The following PARP10 variants were observed in gnomAD, a reference collection of about 807,000 sequenced individuals.
PARP10 encodes the protein poly(ADP-ribose) polymerase family member 10.
PARP10 carries 56 observed loss-of-function variants against 82.4 expected under a neutral mutation model. That is an observed-to-expected ratio of 0.68 (90% CI 0.55 to 0.85). The LOEUF (loss-of-function observed/expected upper bound fraction) is 0.85. Ranked by LOEUF, PARP10 falls within the 40% of genes least tolerant of loss-of-function variation. The pLI is 0.00. For synonymous variants in PARP10, 576 were observed against 601.1 expected (o/e 0.96, Z 0.61); for missense variants, 1,227 against 1,379.4 (o/e 0.89, Z 1.75).
chr8:143,986,525 G>A (rs1833995423), upstream of PARP10: 1 of 997,530 alleles, frequency 1.0e-6, no homozygotes, highest in Non-Finnish European at 1.5e-6. Flanking sequence ...TGGGTACTGG[G>A]GCTCAGATGC....
chr8:143,999,233 A>C (rs542871729), intron 1 of PARP10, among the ~76,000 whole-genome samples: 1 of 151,758 alleles, frequency 6.6e-6, no homozygotes, highest in South Asian at 2.1e-4. Context: ...ATGGGGTCTC[A>C]CTTTGTCGCC....
At position 144,008,142 on chromosome 8, in the gene PARP10, G is replaced by T. The variant is rs1490804278; in HGVS notation, c.-80+4388C>A. ...GGTTCAACATGGCCACGGCAGGCAG[G>T]ATTGAAATGTTCGCATGGCCAGTAC... On this transcript the variant is annotated intron_variant, in intron 1 of 3. Transcript: ENST00000530478. The surrounding 1 kb of genome is among the most constrained non-coding windows in gnomAD (Gnocchi z 4.0). Among the ~76,000 whole-genome samples, 1 of 152,276 alleles carries T rather than the reference G, an allele frequency of 6.6e-6. No individual in the cohort carries two copies. Among genetic ancestry groups the T allele is most frequent in the African/African-American group, 2.4e-5 (1 of 41,548 alleles).
chr8:144,001,873 CGTGTGTGTGTGTGTGTGT>C (rs57117824), intron 1 of PARP10, among the ~76,000 whole-genome samples: 1 of 136,416 alleles, frequency 7.3e-6, no homozygotes, highest in Non-Finnish European at 1.6e-5. Flanking sequence ...AATATATATA[CGTGTGTGTGTGTGTGTGT>C]GTGTGTGTGT....
At chr8:143,991,801 C>T, upstream of PARP10, 3 of 1,611,898 alleles carry the variant, frequency 1.9e-6, no homozygotes, top group Non-Finnish European at 2.5e-6. Context: ...CCTTCATCCG[C>T]AAGGTGGGTA....
upstream of PARP10, chr8:143,992,148 C>A: frequency 6.2e-7 from 1 of 1,602,188 alleles, no homozygotes; most frequent in South Asian, 1.1e-5. Context: ...TCTTCCGGGC[C>A]TGGTCACCGT....
At chr8:143,999,652 C>CTT in intron 1 of PARP10, among the ~76,000 whole-genome samples, 1 of 144,622 alleles carries the variant, frequency 6.9e-6, no homozygotes, top group African/African-American at 2.6e-5. Flanking sequence ...AATTGAGCTT[C>CTT]TTTTTTTTTT....
chr8:143,991,821 C>T (rs199615064), upstream of PARP10: 1,796 of 1,609,356 alleles, frequency 1.1e-3, 18 homozygotes, highest in South Asian at 0.01. Flanking sequence ...AGGGGCATCT[C>T]CAAGGCGGTG....
intron 1 of PARP10, among the ~76,000 whole-genome samples, chr8:143,999,273 C>G (rs918806187): frequency 1.3e-5 from 2 of 152,046 alleles, no homozygotes; most frequent in African/African-American, 4.8e-5. Context: ...ACAATCTCGG[C>G]TCACTGCAAC....
chr8:143,977,433 G>T lies in PARP10; in HGVS notation c.*51C>A, dbSNP rs1273086630. On this transcript the variant is annotated 3_prime_UTR_variant, in exon 11 of 11. Coordinates refer to ENST00000313028, the MANE Select transcript of PARP10 (RefSeq NM_032789.5). Reference sequence around the variant, plus strand: ...AGTTGGGGGCGGGGAGCATCAGCCTGTGCGGAGCTGGGAGCCTGGGAAGCA... The same window carrying T: ...AGTTGGGGGCGGGGAGCATCAGCCTTTGCGGAGCTGGGAGCCTGGGAAGCA... 14 of 1,449,812 alleles carry T rather than the reference G, an allele frequency of 9.7e-6. No individual in the cohort carries two copies. Among genetic ancestry groups the T allele is most frequent in the Admixed American group, 2.2e-5 (1 of 46,434 alleles). The allele number at this position is 1,449,812 out of a possible 1,614,324, so 89.8% of individuals were successfully genotyped here.
At position 143,984,727 on chromosome 8, in the gene PARP10, C is replaced by A. The variant is rs1186769469; in HGVS notation, c.1275G>T (p.Glu425Asp). Reference protein sequence around the residue: ...GPMEITMGSLEKAGPVSPGCV... With the variant: ...GPMEITMGSLDKAGPVSPGCV... ...ATCCTGGGCTCACAGGCCCTGCCTT[C>A]TCCAGAGACCCCATGGTGATCTCCA... The change falls in exon 5 of 11, where the codon GAG becomes GAT. Residue 425 changes from glutamate to aspartate, a missense_variant. Coordinates refer to ENST00000313028, the MANE Select transcript of PARP10 (RefSeq NM_032789.5). 5.6e-6 allele frequency: 9 copies of A among 1,613,990 alleles called. No homozygotes were observed. The highest frequency in any genetic ancestry group is 6.8e-6 in the Non-Finnish European group (8 of 1,179,928).
At position 143,977,917 on chromosome 8, in the gene PARP10, G is replaced by A. The variant is rs782282328; in HGVS notation, c.2721C>T (p.Cys907=). Residue 907 remains cysteine (C), a synonymous_variant, in exon 10 of 11, where the codon TGC becomes TGT. Coordinates refer to ENST00000313028, the MANE Select transcript of PARP10 (RefSeq NM_032789.5). Reference sequence around the variant, plus strand: ...CGGCTCAGGCCTCACCGTTGCGGCCGCAGAAGCTGCGGTTGAAGCCGTGGG... The same window carrying A: ...CGGCTCAGGCCTCACCGTTGCGGCCACAGAAGCTGCGGTTGAAGCCGTGGG... ...ICAHGFNRSF[C]GRNATVYGKG... The A allele has an allele frequency of 6.2e-6, 10 of 1,601,200 alleles. No individual in the cohort carries two copies. Among genetic ancestry groups the A allele is most frequent in the Admixed American group, 1.7e-5 (1 of 59,902 alleles).
Position 143,984,062 on chromosome 8 carries a change from G to A in PARP10, c.1723C>T (p.His575Tyr), listed in dbSNP as rs782121442. 1.3e-6 allele frequency: 2 copies of A among 1,547,782 alleles called. No individual in the cohort carries two copies. Among genetic ancestry groups the A allele is most frequent in the South Asian group, 2.5e-5 (2 of 80,160 alleles). ...EALPVLPGNA[H>Y]TLWTPDSTGG... Reference sequence around the variant, plus strand: ...GTACTGTCTGGGGTCCACAGGGTGTGGGCGTTGCCAGGGAGCACTGGGAGG... The same window carrying A: ...GTACTGTCTGGGGTCCACAGGGTGTAGGCGTTGCCAGGGAGCACTGGGAGG... Residue 575 changes from histidine to tyrosine, a missense_variant, in exon 7 of 11, where the codon CAC (histidine) becomes TAC (tyrosine). Transcript: ENST00000313028.
Position 143,977,464 on chromosome 8 carries a change from C to T in PARP10, c.*20G>A. ...AGCTGGGAGCCTGGGAAGCAGGAGG[C>T]CAGAGGGTGGCCCCTTCGGTTAAGT... On this transcript the variant is annotated 3_prime_UTR_variant, in exon 11 of 11. Transcript: ENST00000313028. 2 of 1,519,358 alleles carry T rather than the reference C, an allele frequency of 1.3e-6. No homozygotes were observed. The highest frequency in any genetic ancestry group is 1.8e-6 in the Non-Finnish European group (2 of 1,129,498). The allele number at this position is 1,519,358 out of a possible 1,614,324, so 94.1% of individuals were successfully genotyped here.
chr8:144,008,213 A>G lies in PARP10; in HGVS notation c.-80+4317T>C, dbSNP rs1834247820. 6.6e-6 allele frequency among the ~76,000 whole-genome samples: 1 copy of G among 152,314 alleles called. No homozygotes were observed. The highest frequency in any genetic ancestry group is 2.4e-5 in the African/African-American group (1 of 41,576). ...AGCTGCTTCCCAGGAGGTGCCTCTCAGCGCACCCAGCATGGAGGCAGCACG... is the reference window on the plus strand; with the variant it reads ...AGCTGCTTCCCAGGAGGTGCCTCTCGGCGCACCCAGCATGGAGGCAGCACG... On this transcript the variant is annotated intron_variant, in intron 1 of 3. Transcript: ENST00000530478. This position sits in a 1 kb window ranked among gnomAD's most constrained non-coding sequence, Gnocchi z 4.0.
At chr8:143,982,227 T>C (rs1833880559) in intron 9 of PARP10, among the ~76,000 whole-genome samples, 1 of 152,158 alleles carries the variant, frequency 6.6e-6, no homozygotes, top group South Asian at 2.1e-4. Context: ...CCCAGCACTT[T>C]GGGAGGCCGA....
chr8:144,006,934 C>T lies in PARP10; in HGVS notation c.-80+5596G>A, dbSNP rs116495130. Among the ~76,000 whole-genome samples, 1,097 of 152,346 alleles carry T rather than the reference C, an allele frequency of 7.2e-3. 24 individuals carry two copies. Among genetic ancestry groups the T allele is most frequent in the African/African-American group, 0.025 (1,052 of 41,580 alleles). The stretch of plus-strand genomic sequence containing the variant: ...GTCTGAGGGGCTGGAAGCCCAACCA[C>T]ACACCTCCAGCAAGCCTTCGTGTCC... On this transcript the variant is annotated intron_variant, in intron 1 of 3. Transcript: ENST00000530478.
intron 1 of PARP10, among the ~76,000 whole-genome samples, chr8:143,998,158 A>G (rs1342366939): frequency 6.6e-6 from 1 of 152,202 alleles, no homozygotes; most frequent in Admixed American, 6.5e-5. Flanking sequence ...ATAAATGTAA[A>G]GAGAGACCCC....
chr8:144,003,677 G>C (rs1834217371), intron 1 of PARP10, among the ~76,000 whole-genome samples: 1 of 151,980 alleles, frequency 6.6e-6, no homozygotes, highest in African/African-American at 2.4e-5. Flanking sequence ...GCTAAACATA[G>C]TTCCAGGACA....
chr8:143,996,420 G>C (rs1370457702), intron 1 of PARP10, among the ~76,000 whole-genome samples: 2 of 152,172 alleles, frequency 1.3e-5, no homozygotes, highest in Non-Finnish European at 2.9e-5. Context: ...AACCCTAACA[G>C]ACAGTTGGGG....
Sources: gnomAD v4.1 joint callset for allele counts (sites outside exome capture counted in the v4.1 genomes callset) on GRCh38, gnomAD v4.1.1 for gene constraint, Gnocchi (gnomAD v3.1) non-coding constraint, MANE v1.5 for transcripts, NCBI Gene and HGNC (gene_info 2026-07-23, HGNC 2026-07-21) for gene names.